The following CSMD1 variants were observed in gnomAD, a reference collection of about 807,000 sequenced individuals.
The protein encoded by CSMD1 is CUB and sushi domain-containing protein 1.
In CSMD1, 213 loss-of-function variants were observed where a neutral mutation model predicts 417.5. The ratio of observed to expected loss-of-function variants is 0.51; its 90% CI spans 0.46 to 0.57. The LOEUF is 0.57. Ranked by LOEUF, CSMD1 falls within the 20% of genes least tolerant of loss-of-function variation. The pLI, the probability that CSMD1 is intolerant of heterozygous loss-of-function variation, is 0.00. For synonymous variants in CSMD1, 2,862 were observed against 1,736.8 expected (o/e 1.65, Z -16.11); for missense variants, 6,923 against 4,529.7 (o/e 1.53, Z -15.17).
At chr8:3,398,331 T>C (rs183232828) in intron 16 of CSMD1, among the ~76,000 whole-genome samples, 4 of 152,350 alleles carry the variant, frequency 2.6e-5, no homozygotes, top group Non-Finnish European at 4.4e-5. Context: ...ATTCACTTTC[T>C]AATATAGATG....
chr8:4,498,258 G>C (rs1346722480), intron 2 of CSMD1, among the ~76,000 whole-genome samples: 2 of 152,064 alleles, frequency 1.3e-5, no homozygotes, highest in Non-Finnish European at 2.9e-5. Flanking sequence ...TTCCATCAAA[G>C]TACAAACTAC....
intron 1 of CSMD1, among the ~76,000 whole-genome samples, chr8:4,763,747 T>C (rs938696471): frequency 6.6e-6 from 1 of 152,214 alleles, no homozygotes; most frequent in Non-Finnish European, 1.5e-5. Context: ...GGAATACCAT[T>C]TCAAGAGGCA....
intron 49 of CSMD1, among the ~76,000 whole-genome samples, chr8:3,062,417 C>A (rs1185879313): frequency 1.3e-5 from 2 of 151,826 alleles, no homozygotes; most frequent in Non-Finnish European, 2.9e-5. Context: ...GAGTAAACAC[C>A]AGCAACAGAA....
intron 6 of CSMD1, among the ~76,000 whole-genome samples, chr8:3,732,120 G>C (rs1404237223): frequency 6.6e-6 from 1 of 152,214 alleles, no homozygotes; most frequent in South Asian, 2.1e-4. Context: ...CCTTGGAGGA[G>C]AGGGCTCCTA....
At chr8:3,282,964 C>G (rs556585621) in intron 26 of CSMD1, among the ~76,000 whole-genome samples, 1 of 152,266 alleles carries the variant, frequency 6.6e-6, no homozygotes, top group South Asian at 2.1e-4. Flanking sequence ...AATATGGCAT[C>G]TCTCCACGGT....
intron 40 of CSMD1, among the ~76,000 whole-genome samples, chr8:3,150,663 G>A (rs891155299): frequency 6.6e-6 from 1 of 152,160 alleles, no homozygotes; most frequent in Non-Finnish European, 1.5e-5. Flanking sequence ...CATTCACTAA[G>A]TACCTAACTT....
intron 12 of CSMD1, among the ~76,000 whole-genome samples, chr8:3,420,528 G>T (rs573549300): frequency 6.7e-6 from 1 of 148,998 alleles, no homozygotes; most frequent in East Asian, 2.3e-4. Flanking sequence ...ATTAAATATA[G>T]GGAAACTGGC....
intron 5 of CSMD1, among the ~76,000 whole-genome samples, chr8:3,755,193 C>T (rs1337543337): frequency 6.6e-6 from 1 of 152,104 alleles, no homozygotes; most frequent in Non-Finnish European, 1.5e-5. Context: ...ATAAGCATCA[C>T]TGGATTAGGA....
chr8:4,813,583 A>C lies in CSMD1; in HGVS notation c.86-176025T>G, dbSNP rs538058653. On this transcript the variant is annotated intron_variant, in intron 1 of 69. Transcript: ENST00000635120. ...AGCCCTAGAGAAACATGTTCATCAA[A>C]GTTCAAATCTCTGGCAAACATCTTT... 1.2e-4 allele frequency among the ~76,000 whole-genome samples: 18 copies of C among 152,308 alleles called. No individual in the cohort carries two copies. The South Asian group carries it at 3.3e-3, about 28-fold the overall frequency.
intron 2 of CSMD1, among the ~76,000 whole-genome samples, chr8:4,588,372 GACA>G (rs1799809624): frequency 1.5e-4 from 9 of 61,848 alleles, no homozygotes; most frequent in Admixed American, 1.1e-3. Flanking sequence ...GCTATCTAGA[GACA>G]GAGATAAAGA....
chr8:4,103,711 T>A (rs541424570), intron 3 of CSMD1, among the ~76,000 whole-genome samples: 4 of 152,290 alleles, frequency 2.6e-5, no homozygotes, highest in Admixed American at 2.0e-4. Context: ...AAACCCATGA[T>A]AAGAGTTCCT....
intron 7 of CSMD1, among the ~76,000 whole-genome samples, chr8:3,662,752 C>T (rs1798483827): frequency 6.6e-6 from 1 of 152,058 alleles, no homozygotes; most frequent in African/African-American, 2.4e-5. Flanking sequence ...GAAAACCAAA[C>T]CCCGCATGTT....
chr8:3,243,697 C>T (rs547132765), intron 26 of CSMD1, among the ~76,000 whole-genome samples: 2 of 151,834 alleles, frequency 1.3e-5, no homozygotes, highest in African/African-American at 4.8e-5. Flanking sequence ...TTAGCTTGGG[C>T]TCACAGGCCT....
chr8:3,635,569 C>T (rs561659627), intron 7 of CSMD1, among the ~76,000 whole-genome samples: 1 of 149,400 alleles, frequency 6.7e-6, no homozygotes, highest in Admixed American at 6.7e-5. Context: ...CTGCAAGCTA[C>T]ACATCCCAGG....
intron 1 of CSMD1, among the ~76,000 whole-genome samples, chr8:4,920,861 GAAAA>G (rs1806395529): frequency 0.08 from 202 of 2,536 alleles, 11 homozygotes; most frequent in African/African-American, 0.14. Flanking sequence ...GAAAAGAAAA[GAAAA>G]GAAAAGAAAA....
chr8:4,012,416 T>A (rs183786003), intron 4 of CSMD1, among the ~76,000 whole-genome samples: 2 of 152,258 alleles, frequency 1.3e-5, no homozygotes, highest in Admixed American at 6.5e-5. Flanking sequence ...GTGGATTTAT[T>A]TTTATGTTTT....
intron 5 of CSMD1, among the ~76,000 whole-genome samples, chr8:3,771,849 T>C (rs972149609): frequency 6.6e-6 from 1 of 152,102 alleles, no homozygotes; most frequent in Admixed American, 6.6e-5. Flanking sequence ...TCACTCCTTG[T>C]CCTTGCTTTG....
intron 54 of CSMD1, 137 bp from the exon 55 acceptor site, chr8:2,978,937 T>C: frequency 1.3e-6 from 1 of 740,788 alleles, no homozygotes; most frequent in Non-Finnish European, 2.1e-6. Context: ...CTCATGAAAT[T>C]CCACTCTCAC....
intron 50 of CSMD1, among the ~76,000 whole-genome samples, chr8:3,039,271 C>T (rs1459095503): frequency 9.4e-6 from 1 of 105,924 alleles, no homozygotes; most frequent in East Asian, 2.5e-4. Context: ...CATTTCTTGA[C>T]CCTTCCTTCC....
Sources: gnomAD v4.1 joint callset for allele counts (sites outside exome capture counted in the v4.1 genomes callset) on GRCh38, gnomAD v4.1.1 for gene constraint, MANE v1.5 for transcripts, NCBI Gene and HGNC (gene_info 2026-07-23, HGNC 2026-07-21) for gene names.